Variants in RASA1 observed in about 807,000 individuals in gnomAD.
RASA1 encodes ras GTPase-activating protein 1.
RASA1 carries 25 observed loss-of-function variants against 132.2 expected under a neutral mutation model. The observed-to-expected ratio is 0.19, with a 90% CI of 0.14 to 0.26. The LOEUF (loss-of-function observed/expected upper bound fraction) is 0.26. Among genes scored for constraint, RASA1 ranks in the 10% least tolerant of loss-of-function variants. RASA1 has a pLI of 1.00. For missense variants in RASA1, 964 were observed against 1,299.2 expected (o/e 0.74, Z 3.97); for synonymous variants, 477 against 449.9 (o/e 1.06, Z -0.76).
intron 1 of RASA1, among the ~76,000 whole-genome samples, chr5:87,314,221 G>T (rs1561273952): frequency 6.6e-6 from 1 of 152,106 alleles, no homozygotes; most frequent in Non-Finnish European, 1.5e-5. Context: ...GTGCATGTTT[G>T]GTTTGTTTAA....
At chr5:87,380,097 T>C (rs1761605104) in intron 19 of RASA1, among the ~76,000 whole-genome samples, 1 of 152,172 alleles carries the variant, frequency 6.6e-6, no homozygotes, top group Admixed American at 6.5e-5. Context: ...TAGAGGTTTA[T>C]AGTTTCAGAT....
chr5:87,382,175 C>T (rs1216362179), intron 20 of RASA1, among the ~76,000 whole-genome samples: 1 of 152,172 alleles, frequency 6.6e-6, no homozygotes, highest in African/African-American at 2.4e-5. Flanking sequence ...TGGTCTTGAA[C>T]TCCTGGCCTC....
At chr5:87,285,617 TC>T (rs1212762666) in intron 1 of RASA1, among the ~76,000 whole-genome samples, 1 of 149,384 alleles carries the variant, frequency 6.7e-6, no homozygotes, top group Non-Finnish European at 1.5e-5. Context: ...TTTTTCTTTT[TC>T]TTTTTTTTTT....
chr5:87,338,182 C>T (rs945538654), intron 5 of RASA1, 91 bp downstream of exon 5: 1 of 1,569,388 alleles, frequency 6.4e-7, no homozygotes, highest in Non-Finnish European at 8.7e-7. Flanking sequence ...GCTATGAATA[C>T]ATTTCTTTTA....
At chr5:87,341,054 T>C (rs1425757590) in intron 5 of RASA1, among the ~76,000 whole-genome samples, 1 of 151,952 alleles carries the variant, frequency 6.6e-6, no homozygotes, top group Non-Finnish European at 1.5e-5. Flanking sequence ...CATAATTATA[T>C]TAGTTGGGCT....
At chr5:87,353,723 T>G (rs1429633660) in intron 9 of RASA1, among the ~76,000 whole-genome samples, 1 of 151,968 alleles carries the variant, frequency 6.6e-6, no homozygotes, top group Non-Finnish European at 1.5e-5. Context: ...AGAGTGAAGT[T>G]GTATGGGGAG....
rs1037204237 is a variant in RASA1, at chr5:87,331,400, G to A, written c.592G>A (p.Ala198Thr). The A allele has an allele frequency of 1.9e-6, 3 of 1,613,438 alleles. No homozygotes were observed. In the South Asian group the frequency reaches 3.3e-5, roughly 18 times the overall value. The change falls in exon 2 of 25, where the codon GCA (alanine) becomes ACA (threonine). Residue 198 changes from alanine (A) to threonine (T), a missense_variant. Ala to Thr is a moderately conservative substitution (Grantham distance 58). Coordinates refer to ENST00000274376, the MANE Select transcript of RASA1 (RefSeq NM_002890.3). ...GATAGCAGAAGAACGCCTCAGGCAG[G>A]CAGGGAAGTCTGGCAGTTATCTTAT... The part of the protein sequence containing the change: ...RTIAEERLRQ[A>T]GKSGSYLIRE...
chr5:87,377,162 G>C (rs1761384451), intron 17 of RASA1, 122 bp downstream of exon 17: 3 of 1,303,816 alleles, frequency 2.3e-6, no homozygotes, highest in Non-Finnish European at 3.2e-6. Flanking sequence ...AAGTTATTCT[G>C]TTTTCCCTCC....
chr5:87,299,073 A>G (rs1755242270), intron 1 of RASA1, among the ~76,000 whole-genome samples: 2 of 152,206 alleles, frequency 1.3e-5, no homozygotes, highest in African/African-American at 2.4e-5. Context: ...CTACTGCTCA[A>G]GGTCATCGCC....
chr5:87,353,727 T>C (rs978633210), intron 9 of RASA1, among the ~76,000 whole-genome samples: 2 of 151,994 alleles, frequency 1.3e-5, no homozygotes, highest in Non-Finnish European at 2.9e-5. Flanking sequence ...TGAAGTTGTA[T>C]GGGGAGATGG....
chr5:87,379,714 T>C (rs1471149721), intron 18 of RASA1, 21 bp from the exon 19 acceptor site: 3 of 1,609,738 alleles, frequency 1.9e-6, no homozygotes, highest in Middle Eastern at 1.8e-4. Flanking sequence ...TGCATTTATA[T>C]TGATTTATTC....
intron 1 of RASA1, among the ~76,000 whole-genome samples, chr5:87,280,069 T>C (rs1341549666): frequency 6.6e-6 from 1 of 152,224 alleles, no homozygotes; most frequent in African/African-American, 2.4e-5. Flanking sequence ...GATGGGGAAC[T>C]CAGCACGCTG....
intron 6 of RASA1, 86 bp from the exon 7 acceptor site, chr5:87,346,586 A>T (rs1758877086): frequency 1.3e-6 from 1 of 777,334 alleles, no homozygotes; most frequent in African/African-American, 1.8e-5. Flanking sequence ...TTTGAATTAA[A>T]CTTACTATAT....
intron 1 of RASA1, among the ~76,000 whole-genome samples, chr5:87,309,326 A>G (rs1755761865): frequency 6.6e-6 from 1 of 152,160 alleles, no homozygotes; most frequent in Non-Finnish European, 1.5e-5. Context: ...GTGCTATGGC[A>G]AAAAGAAAAG....
At chr5:87,356,233 T>C (rs557293154) in intron 9 of RASA1, among the ~76,000 whole-genome samples, 2 of 152,076 alleles carry the variant, frequency 1.3e-5, no homozygotes, top group Non-Finnish European at 2.9e-5. Flanking sequence ...GAAGAGTCAA[T>C]TGATGCAGCA....
chr5:87,336,423 G>T (rs1287542556), intron 4 of RASA1, among the ~76,000 whole-genome samples: 1 of 152,024 alleles, frequency 6.6e-6, no homozygotes, highest in African/African-American at 2.4e-5. Context: ...ATACTTTGAT[G>T]ATATAAATTT....
intron 1 of RASA1, among the ~76,000 whole-genome samples, chr5:87,313,057 C>T (rs994572312): frequency 1.8e-4 from 27 of 151,984 alleles, no homozygotes; most frequent in African/African-American, 4.1e-4. Flanking sequence ...GCTGAACAGG[C>T]GTCTTACAAA....
intron 1 of RASA1, among the ~76,000 whole-genome samples, chr5:87,270,997 G>C (rs547274915): frequency 1.3e-5 from 2 of 152,050 alleles, no homozygotes; most frequent in South Asian, 2.1e-4. Context: ...CCAGCACTTC[G>C]GGAGGCCGAG....
chr5:87,370,738 T>G (rs528294825), intron 12 of RASA1, among the ~76,000 whole-genome samples: 1 of 152,194 alleles, frequency 6.6e-6, no homozygotes, highest in Admixed American at 6.6e-5. Context: ...ACAGCTAAAT[T>G]TCTGCTTATA....
Sources: allele counts gnomAD v4.1 joint callset (sites outside exome capture counted in the v4.1 genomes callset), GRCh38; gene constraint gnomAD v4.1.1; transcripts MANE v1.5; gene names NCBI Gene and HGNC (gene_info 2026-07-23, HGNC 2026-07-21).